TMEM236: variants seen among roughly 807,000 people sequenced by gnomAD.
The protein encoded by TMEM236 is transmembrane protein 236, also known as family with sequence similarity 23, member A.
A neutral mutation model predicts 14.7 loss-of-function variants in TMEM236; 11 were observed. The ratio of observed to expected loss-of-function variants is 0.75; its 90% CI spans 0.47 to 1.24. The LOEUF (loss-of-function observed/expected upper bound fraction) is 1.24. TMEM236 is among the 50% of genes most tolerant of loss of function. TMEM236 has a pLI of 0.00. For missense variants in TMEM236, 464 were observed against 427.3 expected (o/e 1.09, Z -0.76); for synonymous variants, 182 against 168.6 (o/e 1.08, Z -0.62).
At chr10:17,764,494 A>C (rs1837428651) in intron 1 of TMEM236, among the ~76,000 whole-genome samples, 1 of 152,296 alleles carries the variant, frequency 6.6e-6, no homozygotes, top group African/African-American at 2.4e-5. Flanking sequence ...TGTATTTCCA[A>C]CCTAAATTCT....
intron 1 of TMEM236, among the ~76,000 whole-genome samples, chr10:17,763,433 A>T (rs879987578): frequency 3.0e-4 from 45 of 152,140 alleles, no homozygotes; most frequent in Non-Finnish European, 2.1e-4. Context: ...TTTCTATTAA[A>T]AAAAGAAAAG....
chr10:17,767,438 T>G (rs1837486299), intron 1 of TMEM236, among the ~76,000 whole-genome samples: 1 of 152,128 alleles, frequency 6.6e-6, no homozygotes, highest in Admixed American at 6.5e-5. Flanking sequence ...CCAGCCTGGG[T>G]GATAGAGTAA....
intron 3 of TMEM236, 143 bp downstream of exon 3, chr10:17,776,313 T>A: frequency 1.2e-6 from 1 of 841,420 alleles, no homozygotes; most frequent in Non-Finnish European, 1.9e-6. Context: ...TGAAGATATC[T>A]AAACATAATT....
chr10:17,759,363 A>G (rs1837324411), intron 1 of TMEM236, among the ~76,000 whole-genome samples: 1 of 152,156 alleles, frequency 6.6e-6, no homozygotes, highest in Admixed American at 6.5e-5. Flanking sequence ...TGGGACCTAG[A>G]GCTATATTTT....
intron 3 of TMEM236, among the ~76,000 whole-genome samples, chr10:17,793,419 C>A (rs1837959897): frequency 6.6e-6 from 1 of 152,162 alleles, no homozygotes; most frequent in Non-Finnish European, 1.5e-5. Flanking sequence ...GAGAGGGGAA[C>A]AAAAGTTCTC....
intron 3 of TMEM236, among the ~76,000 whole-genome samples, chr10:17,792,691 C>G (rs959326249): frequency 0.013 from 1,949 of 152,262 alleles, 41 homozygotes; most frequent in African/African-American, 0.044. Flanking sequence ...GAAACTAGAT[C>G]AAAAGGCTGC....
intron 1 of TMEM236, among the ~76,000 whole-genome samples, chr10:17,756,766 T>C (rs1167108144): frequency 6.6e-6 from 1 of 152,236 alleles, no homozygotes; most frequent in Non-Finnish European, 1.5e-5. Flanking sequence ...TGTCCCAAAC[T>C]GCCTCTTTGA....
Position 17,752,512 on chromosome 10 carries a change from C to T in TMEM236, c.217C>T (p.Leu73=). The T allele has an allele frequency of 1.2e-6, 2 of 1,613,888 alleles. No individual in the cohort carries two copies. Among genetic ancestry groups the T allele is most frequent in the Non-Finnish European group, 1.7e-6 (2 of 1,179,820 alleles). The part of the protein sequence containing the change: ...LLIWVPVKVI[L]HKKRYIYRKI... ...GATCTGGGTTCCTGTAAAAGTTATC[C>T]TGCACAAGAAACGTTATATTTACAG... Residue 73 remains leucine (L), a synonymous_variant, in exon 1 of 4, where the codon CTG becomes TTG. Transcript: ENST00000377495.
chr10:17,752,957 T>C (rs1261888064), intron 1 of TMEM236, among the ~76,000 whole-genome samples: 1 of 152,208 alleles, frequency 6.6e-6, no homozygotes, highest in Non-Finnish European at 1.5e-5. Context: ...GTTTTAACTT[T>C]AAAGTTCAGG....
At chr10:17,779,822 C>T (rs925363989) in intron 3 of TMEM236, among the ~76,000 whole-genome samples, 1 of 152,146 alleles carries the variant, frequency 6.6e-6, no homozygotes, top group African/African-American at 2.4e-5. Context: ...TTCACTCTCA[C>T]GTGCAAACCC....
At chr10:17,780,478 G>A (rs1300569077) in intron 3 of TMEM236, among the ~76,000 whole-genome samples, 1 of 152,138 alleles carries the variant, frequency 6.6e-6, no homozygotes, top group Admixed American at 6.5e-5. Context: ...AATAGCTAAA[G>A]TACTATGGTG....
rs1485822284 is a variant in TMEM236 at position 17,799,763 on chromosome 10, CA to C, written c.*3263del. The C allele has an allele frequency of 6.6e-6, 1 of 152,326 alleles. No homozygotes were observed. The highest frequency in any genetic ancestry group is 1.5e-5 in the Non-Finnish European group (1 of 68,010). 9.4% of individuals were successfully genotyped at this position (152,326 alleles called of 1,614,324 possible). ...CTTAGCAACAGTGCTCAGATAAACT[CA>C]AAAGTATTACTTGAGTTTAGAATGC... On this transcript the variant is annotated 3_prime_UTR_variant, in exon 4 of 4. Coordinates refer to ENST00000377495, the MANE Select transcript of TMEM236 (RefSeq NM_001098844.3).
chr10:17,778,575 T>A (rs1639695354), intron 3 of TMEM236, among the ~76,000 whole-genome samples: 1 of 152,172 alleles, frequency 6.6e-6, no homozygotes, highest in South Asian at 2.1e-4. Flanking sequence ...AGGCGGGGGA[T>A]GAACAAGATC....
intron 2 of TMEM236, among the ~76,000 whole-genome samples, chr10:17,775,433 C>T (rs984196889): frequency 6.6e-6 from 1 of 152,170 alleles, no homozygotes; most frequent in Non-Finnish European, 1.5e-5. Context: ...TGCCACCACA[C>T]CCAGCTAATT....
At chr10:17,768,107 T>C (rs1489052001) in intron 1 of TMEM236, among the ~76,000 whole-genome samples, 6 of 146,994 alleles carry the variant, frequency 4.1e-5, no homozygotes, top group African/African-American at 1.3e-4. Context: ...TTTTTTTTTT[T>C]TGTAGAGACG....
chr10:17,795,531 C>G (rs1484042893), intron 3 of TMEM236, among the ~76,000 whole-genome samples: 1 of 152,096 alleles, frequency 6.6e-6, no homozygotes, highest in Non-Finnish European at 1.5e-5. Context: ...AGGAAAATAC[C>G]AAGACACCAA....
intron 1 of TMEM236, among the ~76,000 whole-genome samples, chr10:17,753,259 GTTGT>G (rs1837235360): frequency 1.3e-5 from 2 of 152,142 alleles, no homozygotes; most frequent in African/African-American, 4.8e-5. Flanking sequence ...TTGTTTGTCT[GTTGT>G]TTGACTTTTA....
chr10:17,764,869 G>C (rs1837436558), intron 1 of TMEM236, among the ~76,000 whole-genome samples: 1 of 145,464 alleles, frequency 6.9e-6, no homozygotes, highest in South Asian at 2.2e-4. Flanking sequence ...GTCTCATTCT[G>C]TCTCCCAGGC....
intron 1 of TMEM236, among the ~76,000 whole-genome samples, chr10:17,756,156 A>G (rs1837281244): frequency 6.6e-6 from 1 of 152,190 alleles, no homozygotes; most frequent in Non-Finnish European, 1.5e-5. Flanking sequence ...AGTCCCAGCT[A>G]TTCAAGAGGT....
Sources: allele counts gnomAD v4.1 joint callset (sites outside exome capture counted in the v4.1 genomes callset), GRCh38; gene constraint gnomAD v4.1.1; transcripts MANE v1.5; gene names NCBI Gene and HGNC (gene_info 2026-07-23, HGNC 2026-07-21).